LRRTM4: variants seen among roughly 807,000 people sequenced by gnomAD.
LRRTM4 encodes leucine-rich repeat transmembrane neuronal protein 4.
In LRRTM4, 25 loss-of-function variants were observed where a neutral mutation model predicts 47.6. The observed-to-expected ratio is 0.53, with a 90% CI of 0.38 to 0.73. LRRTM4 has a LOEUF of 0.73. Among genes scored for constraint, LRRTM4 ranks in the 30% least tolerant of loss-of-function variants. LRRTM4 has a pLI of 0.00. For synonymous variants in LRRTM4, 311 were observed against 269.5 expected (o/e 1.15, Z -1.51); for missense variants, 638 against 713.4 (o/e 0.89, Z 1.20).
intron 3 of LRRTM4, among the ~76,000 whole-genome samples, chr2:77,254,804 T>G (rs1007721248): frequency 6.6e-6 from 1 of 150,726 alleles, no homozygotes; most frequent in Non-Finnish European, 1.5e-5. Flanking sequence ...AAAAACACTA[T>G]TGATAAATAA....
chr2:77,206,204 G>C (rs1674121791), intron 3 of LRRTM4, among the ~76,000 whole-genome samples: 1 of 149,734 alleles, frequency 6.7e-6, no homozygotes, highest in Admixed American at 6.6e-5. Context: ...TTTGAAACAG[G>C]GTCTCACTCT....
intron 3 of LRRTM4, among the ~76,000 whole-genome samples, chr2:76,807,474 A>ATATATG (rs1558667706): frequency 4.5e-5 from 6 of 132,580 alleles, no homozygotes; most frequent in African/African-American, 1.8e-4. Context: ...ATATATACAT[A>ATATATG]TATATATATA....
At chr2:76,909,899 G>C (rs1573298787) in intron 3 of LRRTM4, among the ~76,000 whole-genome samples, 1 of 152,194 alleles carries the variant, frequency 6.6e-6, no homozygotes, top group African/African-American at 2.4e-5. Context: ...TTGTTGGTGG[G>C]ACTGTCAACT....
intron 3 of LRRTM4, among the ~76,000 whole-genome samples, chr2:77,025,452 G>A (rs1678422294): frequency 6.6e-6 from 1 of 152,098 alleles, no homozygotes; most frequent in African/African-American, 2.4e-5. Context: ...GGGTGGGTGG[G>A]CATTAACCTC....
chr2:77,044,773 T>A (rs750409766), intron 3 of LRRTM4, among the ~76,000 whole-genome samples: 2 of 151,716 alleles, frequency 1.3e-5, no homozygotes, highest in Non-Finnish European at 2.9e-5. Context: ...TATCTACACA[T>A]ACATATGTAT....
chr2:77,123,986 T>G (rs920588915), intron 3 of LRRTM4, among the ~76,000 whole-genome samples: 1 of 152,086 alleles, frequency 6.6e-6, no homozygotes, highest in Non-Finnish European at 1.5e-5. Flanking sequence ...GCCAAGGAAA[T>G]GTTTCCACTA....
chr2:76,799,821 G>C (rs1411095892), intron 3 of LRRTM4, among the ~76,000 whole-genome samples: 8 of 142,014 alleles, frequency 5.6e-5, no homozygotes, highest in Admixed American at 1.4e-4. Context: ...GACAAACAGA[G>C]AGCCAAATCA....
At chr2:77,508,939 C>T (rs1185157105) in intron 3 of LRRTM4, among the ~76,000 whole-genome samples, 1 of 151,894 alleles carries the variant, frequency 6.6e-6, no homozygotes, top group African/African-American at 2.4e-5. Flanking sequence ...AATGAAAAAA[C>T]TGTTTCTAAG....
intron 3 of LRRTM4, among the ~76,000 whole-genome samples, chr2:76,787,197 A>C (rs925688333): frequency 6.6e-6 from 1 of 152,136 alleles, no homozygotes; most frequent in Admixed American, 6.5e-5. Context: ...AAGGATGTGG[A>C]AAATAAAAAT....
intron 3 of LRRTM4, among the ~76,000 whole-genome samples, chr2:77,514,871 G>A (rs1316245140): frequency 6.6e-6 from 1 of 151,740 alleles, no homozygotes; most frequent in African/African-American, 2.4e-5. Context: ...CAATTTCGAA[G>A]GAAAAAATTG....
chr2:77,008,811 G>T (rs999861565), intron 3 of LRRTM4, among the ~76,000 whole-genome samples: 1 of 151,992 alleles, frequency 6.6e-6, no homozygotes, highest in Non-Finnish European at 1.5e-5. Flanking sequence ...CGCCGGCAAT[G>T]CCTTTCTAGT....
intron 3 of LRRTM4, among the ~76,000 whole-genome samples, chr2:77,200,872 C>T (rs947891344): frequency 6.6e-6 from 1 of 152,090 alleles, no homozygotes; most frequent in East Asian, 1.9e-4. Flanking sequence ...TGACTTACCA[C>T]TTGCAAAATA....
intron 3 of LRRTM4, among the ~76,000 whole-genome samples, chr2:77,083,889 C>G (rs1156511864): frequency 1.4e-5 from 2 of 145,844 alleles, no homozygotes; most frequent in African/African-American, 5.0e-5. Context: ...ACTGCAAGCT[C>G]CGCCTCCCGG....
intron 3 of LRRTM4, among the ~76,000 whole-genome samples, chr2:77,179,383 A>G (rs962228700): frequency 6.6e-6 from 1 of 152,214 alleles, no homozygotes; most frequent in Non-Finnish European, 1.5e-5. Flanking sequence ...ATGTACTTAC[A>G]GATGTCCTGA....
intron 3 of LRRTM4, among the ~76,000 whole-genome samples, chr2:76,831,636 CAAA>C (rs1671354518): frequency 6.6e-6 from 1 of 151,988 alleles, no homozygotes; most frequent in Admixed American, 6.6e-5. Flanking sequence ...TGGTTTACTC[CAAA>C]TCCATAAACT....
At chr2:76,990,173 A>T (rs1676952903) in intron 3 of LRRTM4, among the ~76,000 whole-genome samples, 1 of 151,738 alleles carries the variant, frequency 6.6e-6, no homozygotes. Flanking sequence ...CCTCTAATCC[A>T]ATCTTAATTT....
At chr2:77,446,250 G>A (rs974538186) in intron 3 of LRRTM4, among the ~76,000 whole-genome samples, 110 of 151,954 alleles carry the variant, frequency 7.2e-4, no homozygotes, top group Middle Eastern at 3.4e-3. Flanking sequence ...TCATACCATC[G>A]TTTGTAGAGA....
intron 3 of LRRTM4, among the ~76,000 whole-genome samples, chr2:76,833,359 T>A (rs781243319): frequency 5.9e-5 from 9 of 152,070 alleles, no homozygotes; most frequent in Non-Finnish European, 7.4e-5. Context: ...TTCTGAGAGG[T>A]CAGGGTAGCT....
At chr2:76,883,756 T>C (rs923683743) in intron 3 of LRRTM4, among the ~76,000 whole-genome samples, 1 of 152,200 alleles carries the variant, frequency 6.6e-6, no homozygotes. Context: ...TCAGCTTTCA[T>C]GATCTGGGAG....
Sources: allele counts gnomAD v4.1 joint callset (sites outside exome capture counted in the v4.1 genomes callset), GRCh38; gene constraint gnomAD v4.1.1; transcripts MANE v1.5; gene names NCBI Gene and HGNC (gene_info 2026-07-23, HGNC 2026-07-21).